RPGRIP1L: variants seen among roughly 807,000 people sequenced by gnomAD.
RPGRIP1L encodes the protein protein fantom.
RPGRIP1L carries 131 observed loss-of-function variants against 160.4 expected under a neutral mutation model. The observed-to-expected ratio is 0.82, with a 90% CI of 0.71 to 0.94. The LOEUF is 0.94. RPGRIP1L is among the 40% of genes least tolerant of loss of function. RPGRIP1L has a pLI of 0.00. For missense variants in RPGRIP1L, 1,522 were observed against 1,535.8 expected, an observed-to-expected ratio of 0.99 and a Z score of 0.15; for synonymous variants, 510 against 515.8, an observed-to-expected ratio of 0.99 and a Z score of 0.15.
chr16:53,641,397 A>G lies in RPGRIP1L; in HGVS notation c.2762T>C (p.Leu921Pro). 6.2e-7 allele frequency: 1 copy of G among 1,614,072 alleles called. No homozygotes were observed. The highest frequency in any genetic ancestry group is 2.2e-5 in the East Asian group (1 of 44,868). Reference protein sequence around the residue: ...HVILKWKFAYLPPSGSITTED... With the variant: ...HVILKWKFAYPPPSGSITTED... ...AGTTGTTATTGATCCACTTGGTGGA[A>G]GGTAAGCAAATTTCCATTTCAATAT... is the stretch of plus-strand genomic sequence containing the variant. Residue 921 changes from leucine to proline, a missense_variant, in exon 18 of 27, where the codon CTT becomes CCT. Physicochemically the swap from Leu to Pro is moderately conservative, Grantham distance 98 (BLOSUM62 -3). Transcript: ENST00000647211.
chr16:53,625,513 A>AG (rs1965069577), intron 22 of RPGRIP1L, among the ~76,000 whole-genome samples: 1 of 131,662 alleles, frequency 7.6e-6, no homozygotes. Flanking sequence ...CGCCCCGTCT[A>AG]GGGGGTGAGG....
At chr16:53,603,547 C>G (rs1963494398) in intron 26 of RPGRIP1L, among the ~76,000 whole-genome samples, 1 of 152,144 alleles carries the variant, frequency 6.6e-6, no homozygotes, top group Admixed American at 6.6e-5. Context: ...CCAGGTTGGT[C>G]TTAAAACTCC....
At position 53,669,945 on chromosome 16, in the gene RPGRIP1L, T is replaced by TCCAGA. The variant is rs540116811; in HGVS notation, c.1103+1564_1103+1565insTCTGG. Among the ~76,000 whole-genome samples, 190 of 152,282 alleles carry TCCAGA rather than the reference T, an allele frequency of 1.2e-3. 1 individual carries two copies. Among genetic ancestry groups the TCCAGA allele is most frequent in the African/African-American group, 4.2e-3 (176 of 41,570 alleles). ...ATGCTGTGTGACTCTGCACAAGTCT[T>TCCAGA]AATTTTTCTGGAATCCCAATTTCCT... is the stretch of plus-strand genomic sequence containing the variant. On this transcript the variant is annotated intron_variant, in intron 9 of 26. Transcript: ENST00000647211.
intron 3 of RPGRIP1L, chr16:53,695,554 T>G: frequency 1.6e-6 from 1 of 619,954 alleles, no homozygotes; most frequent in Non-Finnish European, 2.9e-6. Context: ...GCACAGCATT[T>G]CTGAATAAAA....
chr16:53,624,785 A>C (rs1389285234), intron 22 of RPGRIP1L, among the ~76,000 whole-genome samples: 1 of 91,696 alleles, frequency 1.1e-5, no homozygotes, highest in Non-Finnish European at 2.0e-5. Context: ...CCCTCGTCTC[A>C]GTCTCCTGCT....
chr16:53,655,456 C>T (rs896883185), intron 14 of RPGRIP1L: 3 of 152,012 alleles, frequency 2.0e-5, no homozygotes, highest in Admixed American at 6.5e-5. Context: ...GCATAGACCA[C>T]TGAAGTAAAT....
At chr16:53,618,924 G>T in intron 24 of RPGRIP1L, 101 bp downstream of exon 24, 1 of 954,938 alleles carries the variant, frequency 1.0e-6, no homozygotes, top group Non-Finnish European at 1.6e-6. Context: ...ATGAATTTAT[G>T]TGAATATTAG....
At chr16:53,685,103 A>G (rs1567878155) in intron 6 of RPGRIP1L, among the ~76,000 whole-genome samples, 1 of 152,184 alleles carries the variant, frequency 6.6e-6, no homozygotes, top group Non-Finnish European at 1.5e-5. Context: ...GGCCAAAAAA[A>G]CATAAAAAAA....
At chr16:53,647,486 T>C (rs1470513309) in intron 16 of RPGRIP1L, among the ~76,000 whole-genome samples, 2 of 152,236 alleles carry the variant, frequency 1.3e-5, no homozygotes, top group Admixed American at 6.5e-5. Flanking sequence ...TGGTAGATGA[T>C]GGCTGCCTAC....
Position 53,637,849 on chromosome 16 carries a change from T to G in RPGRIP1L, c.3066A>C (p.Ser1022=). 6.2e-7 allele frequency: 1 copy of G among 1,612,746 alleles called. No individual in the cohort carries two copies. The highest frequency in any genetic ancestry group is 8.5e-7 in the Non-Finnish European group (1 of 1,179,496). ...TTACCTCATCTACACTGCCTTCTTG[T>G]GAAACCTGAAGAAATCAAAGCACAC... ...MLTVPHVPKV[S]QEGSVDEVKE... The change falls in exon 21 of 27, where the codon TCA becomes TCC. Residue 1022 remains serine (S), a synonymous_variant. Coordinates refer to ENST00000647211, the MANE Select transcript of RPGRIP1L (RefSeq NM_015272.5).
intron 7 of RPGRIP1L, 25 bp from the exon 8 acceptor site, chr16:53,673,041 C>G: frequency 6.2e-7 from 1 of 1,600,674 alleles, no homozygotes; most frequent in African/African-American, 1.3e-5. Context: ...GAACATCTTT[C>G]AAACATTATT....
rs575854674 is a variant in RPGRIP1L at position 53,606,971 on chromosome 16, C to T, written c.3702-1357G>A. ...TTTAGGTCAAAATCAAAGTTAACGC[C>T]TACTCACAAAATAATTATAAAGAGT... On this transcript the variant is annotated intron_variant, in intron 25 of 26. Transcript: ENST00000647211. Among the ~76,000 whole-genome samples, 3 of 152,242 alleles carry T rather than the reference C, an allele frequency of 2.0e-5. No individual in the cohort carries two copies. The East Asian group carries it at 5.8e-4, about 29-fold the overall frequency.
chr16:53,701,162 C>T (rs951513115), intron 1 of RPGRIP1L, among the ~76,000 whole-genome samples: 3 of 152,154 alleles, frequency 2.0e-5, no homozygotes, highest in Non-Finnish European at 4.4e-5. Flanking sequence ...TAATACCTAT[C>T]TCAGAGAGTT....
At chr16:53,654,349 C>T (rs1411028661) in intron 14 of RPGRIP1L, among the ~76,000 whole-genome samples, 2 of 152,176 alleles carry the variant, frequency 1.3e-5, no homozygotes, top group African/African-American at 4.8e-5. Flanking sequence ...TTGGATGGAT[C>T]TACAGTGCAG....
chr16:53,683,971 T>A (rs752959346), intron 6 of RPGRIP1L, among the ~76,000 whole-genome samples: 1 of 152,146 alleles, frequency 6.6e-6, no homozygotes, highest in Non-Finnish European at 1.5e-5. Context: ...TTACAACTTA[T>A]ACAAAAATCA....
chr16:53,617,955 T>C (rs149282991), intron 24 of RPGRIP1L, among the ~76,000 whole-genome samples: 1 of 152,270 alleles, frequency 6.6e-6, no homozygotes, highest in African/African-American at 2.4e-5. Flanking sequence ...CAACACTCCA[T>C]TTTTATGGTT....
At chr16:53,630,603 C>T (rs1818523322) in intron 22 of RPGRIP1L, among the ~76,000 whole-genome samples, 1 of 151,922 alleles carries the variant, frequency 6.6e-6, no homozygotes, top group Admixed American at 6.6e-5. Flanking sequence ...ATAGAGTATA[C>T]TGTTATGGAA....
intron 10 of RPGRIP1L, chr16:53,659,124 T>C (rs545097689): frequency 3.2e-6 from 2 of 634,310 alleles, no homozygotes; most frequent in South Asian, 3.8e-5. Context: ...AGTATTAATA[T>C]AAGGAAATTG....
chr16:53,687,656 A>G (rs1598403299), intron 5 of RPGRIP1L, among the ~76,000 whole-genome samples: 1 of 152,148 alleles, frequency 6.6e-6, no homozygotes, highest in African/African-American at 2.4e-5. Context: ...ACTATTACAT[A>G]AATCCTTCCA....
Sources: allele counts gnomAD v4.1 joint callset (sites outside exome capture counted in the v4.1 genomes callset), GRCh38; gene constraint gnomAD v4.1.1; transcripts MANE v1.5; gene names NCBI Gene and HGNC (gene_info 2026-07-23, HGNC 2026-07-21).